The following SEMA3E variants were observed in gnomAD, a reference collection of about 807,000 sequenced individuals.
SEMA3E encodes semaphorin 3E.
SEMA3E carries 49 observed loss-of-function variants against 93.6 expected under a neutral mutation model. That is an observed-to-expected ratio of 0.52 (90% CI 0.42 to 0.66). The LOEUF (loss-of-function observed/expected upper bound fraction) is 0.66, where lower values mean the gene tolerates loss of function less well. Ranked by LOEUF, SEMA3E falls within the 30% of genes least tolerant of loss-of-function variation. The pLI is 0.00. For missense variants in SEMA3E, 906 were observed against 964.8 expected, an observed-to-expected ratio of 0.94 and a Z score of 0.81; for synonymous variants, 363 against 330.7, an observed-to-expected ratio of 1.10 and a Z score of -1.06.
intron 9 of SEMA3E, among the ~76,000 whole-genome samples, chr7:83,404,861 A>T (rs567223288): frequency 8.5e-5 from 13 of 152,158 alleles, no homozygotes; most frequent in Admixed American, 2.0e-4. Flanking sequence ...TGGAGAACTG[A>T]TTTAAATCAG....
chr7:83,400,167 T>C lies in SEMA3E; in HGVS notation c.1227A>G (p.Pro409=). ...DDAIRFARSH[P]LMYQAIKPAH... ...CAGGTTTTATGGCCTGGTACATTAG[T>C]GGATGACTTCTTGCAAATCGGATGG... Residue 409 remains proline, a synonymous_variant, in exon 11 of 17, where the codon CCA becomes CCG. Transcript: ENST00000643230. 6.2e-7 allele frequency: 1 copy of C among 1,614,054 alleles called. No individual in the cohort carries two copies. Among genetic ancestry groups the C allele is most frequent in the Non-Finnish European group, 8.5e-7 (1 of 1,179,978 alleles).
intron 2 of SEMA3E, among the ~76,000 whole-genome samples, chr7:83,489,542 T>C (rs1267585232): frequency 6.6e-6 from 1 of 152,120 alleles, no homozygotes; most frequent in East Asian, 1.9e-4. Context: ...GTAAGATTTA[T>C]ATGAGTCTAA....
intron 4 of SEMA3E, among the ~76,000 whole-genome samples, chr7:83,439,439 C>A (rs1035637754): frequency 6.6e-6 from 1 of 152,180 alleles, no homozygotes; most frequent in African/African-American, 2.4e-5. Flanking sequence ...GGTTAATGGG[C>A]AAAGTCTTTC....
chr7:83,549,221 G>A (rs1397205389), intron 1 of SEMA3E, among the ~76,000 whole-genome samples: 1 of 151,938 alleles, frequency 6.6e-6, no homozygotes, highest in Admixed American at 6.6e-5. Context: ...CTCTTTAATT[G>A]ACATTATACT....
At chr7:83,406,109 A>G (rs1466389768) in intron 7 of SEMA3E, 50 bp from the exon 8 acceptor site, 10 of 1,278,828 alleles carry the variant, frequency 7.8e-6, no homozygotes, top group Non-Finnish European at 9.1e-6. Flanking sequence ...ATTTCGACCA[A>G]CCACAGATTT....
chr7:83,379,393 T>C (rs780311508), intron 16 of SEMA3E, among the ~76,000 whole-genome samples: 16 of 151,852 alleles, frequency 1.1e-4, no homozygotes, highest in Non-Finnish European at 1.5e-4. Context: ...GTAAAAGTAA[T>C]TTAAAAACTA....
At chr7:83,392,295 C>T (rs1310868394) in intron 14 of SEMA3E, among the ~76,000 whole-genome samples, 2 of 152,038 alleles carry the variant, frequency 1.3e-5, no homozygotes, top group Non-Finnish European at 1.5e-5. Context: ...TTGAATCTCT[C>T]ATGTGTGGTG....
chr7:83,554,547 A>G (rs1791842854), intron 1 of SEMA3E, among the ~76,000 whole-genome samples: 1 of 152,118 alleles, frequency 6.6e-6, no homozygotes, highest in Non-Finnish European at 1.5e-5. Context: ...GTTTTTTTTA[A>G]CCCAGTGTAC....
chr7:83,626,542 C>A (rs1184136341), intron 1 of SEMA3E, among the ~76,000 whole-genome samples: 3 of 152,110 alleles, frequency 2.0e-5, no homozygotes, highest in African/African-American at 7.2e-5. Context: ...TCTGTAAGAT[C>A]AGCAGTGATA....
chr7:83,458,048 T>C (rs563148287), intron 4 of SEMA3E, among the ~76,000 whole-genome samples: 2 of 151,712 alleles, frequency 1.3e-5, no homozygotes, highest in South Asian at 4.1e-4. Context: ...CATATATATA[T>C]ATAATTTTTT....
chr7:83,397,851 A>T (rs1404333355), intron 11 of SEMA3E, among the ~76,000 whole-genome samples: 1 of 152,218 alleles, frequency 6.6e-6, no homozygotes, highest in African/African-American at 2.4e-5. Flanking sequence ...TAATTAAGCT[A>T]ATAACAGTTA....
At chr7:83,563,301 G>T (rs1792075821) in intron 1 of SEMA3E, among the ~76,000 whole-genome samples, 1 of 152,190 alleles carries the variant, frequency 6.6e-6, no homozygotes, top group Non-Finnish European at 1.5e-5. Flanking sequence ...GAATCAGCTA[G>T]AGAAATAGCA....
chr7:83,423,543 G>A (rs1305556497), intron 4 of SEMA3E, among the ~76,000 whole-genome samples: 7 of 142,362 alleles, frequency 4.9e-5, no homozygotes, highest in East Asian at 2.1e-4. Flanking sequence ...TCGCTCTGTC[G>A]CCCAGGCTGG....
chr7:83,498,025 A>G (rs1188249846), intron 1 of SEMA3E, among the ~76,000 whole-genome samples: 1 of 152,210 alleles, frequency 6.6e-6, no homozygotes. Flanking sequence ...TTAATGATTA[A>G]GATGAAGACA....
At chr7:83,572,787 A>G (rs746394025) in intron 1 of SEMA3E, among the ~76,000 whole-genome samples, 6 of 152,212 alleles carry the variant, frequency 3.9e-5, no homozygotes, top group Non-Finnish European at 5.9e-5. Context: ...AGGATTTCCT[A>G]TTCAATAAAT....
intron 1 of SEMA3E, among the ~76,000 whole-genome samples, chr7:83,631,069 A>G (rs1335568462): frequency 6.6e-6 from 1 of 152,150 alleles, no homozygotes; most frequent in African/African-American, 2.4e-5. Flanking sequence ...TTAAGCAGTC[A>G]CAGCTATGAT....
chr7:83,520,355 T>G (rs921759028), intron 1 of SEMA3E, among the ~76,000 whole-genome samples: 3 of 152,108 alleles, frequency 2.0e-5, no homozygotes, highest in Admixed American at 2.0e-4. Context: ...GGAAAGTACC[T>G]TGGAGAGAAA....
intron 1 of SEMA3E, among the ~76,000 whole-genome samples, chr7:83,539,409 A>G (rs553028932): frequency 6.6e-6 from 1 of 152,228 alleles, no homozygotes; most frequent in East Asian, 1.9e-4. Context: ...TGATGCTCCA[A>G]TTACTTTTTA....
Position 83,528,113 on chromosome 7 carries a change from G to C in SEMA3E, c.116-37839C>G, listed in dbSNP as rs560420510. On this transcript the variant is annotated intron_variant, in intron 1 of 16. Coordinates refer to ENST00000643230, the MANE Select transcript of SEMA3E (RefSeq NM_012431.3). ...CTTACTATAATGCCCTTTTTGGTAG[G>C]AAAAAGTAACTGTCATCTAAGTTAG... Among the ~76,000 whole-genome samples, 243 of 151,754 alleles carry C rather than the reference G, an allele frequency of 1.6e-3. No homozygotes were observed. In the East Asian group the frequency reaches 0.042, roughly 26 times the overall value.
Sources: gnomAD v4.1 joint callset for allele counts (sites outside exome capture counted in the v4.1 genomes callset) on GRCh38, gnomAD v4.1.1 for gene constraint, MANE v1.5 for transcripts, NCBI Gene and HGNC (gene_info 2026-07-23, HGNC 2026-07-21) for gene names.